RBFOX3: variants seen among roughly 807,000 people sequenced by gnomAD.
RBFOX3 encodes RNA binding protein fox-1 homolog 3.
Under a neutral mutation model 48.7 loss-of-function variants are expected in RBFOX3, and 17 were observed. The ratio of observed to expected loss-of-function variants is 0.35; its 90% CI spans 0.24 to 0.52. The LOEUF (loss-of-function observed/expected upper bound fraction) is 0.52. Ranked by LOEUF, RBFOX3 falls within the 20% of genes least tolerant of loss-of-function variation. The probability of loss-of-function intolerance (pLI) is 0.94; values close to 1 mark genes in which losing one functional copy is unlikely to be tolerated. For missense variants in RBFOX3, 382 were observed against 497.5 expected (o/e 0.77, Z 2.21); for synonymous variants, 212 against 209.5 (o/e 1.01, Z -0.10).
rs1482235077 is a variant in RBFOX3 at position 79,390,192 on chromosome 17, C to T, written c.-174-82368G>A. Among the ~76,000 whole-genome samples, 1 of 152,260 alleles carries T rather than the reference C, an allele frequency of 6.6e-6. No homozygotes were observed. The highest frequency in any genetic ancestry group is 1.9e-4 in the East Asian group (1 of 5,194). On this transcript the variant is annotated intron_variant, in intron 2 of 14. Coordinates refer to ENST00000693108, the MANE Select transcript of RBFOX3 (RefSeq NM_001350451.2). This position sits in a 1 kb window ranked among gnomAD's most constrained non-coding sequence, Gnocchi z 4.2. ...TCCACAGAGTTCTGAGGTGTCCAAC[C>T]TCCGGGACGCTGCACTGACTTTCAA...
chr17:79,474,115 A>G (rs1275381717), intron 2 of RBFOX3, among the ~76,000 whole-genome samples: 1 of 148,126 alleles, frequency 6.8e-6, no homozygotes, highest in Non-Finnish European at 1.5e-5. Flanking sequence ...GCACGTGTCA[A>G]TGCAGAAAAA....
At chr17:79,397,715 T>C (rs556721510) in intron 2 of RBFOX3, among the ~76,000 whole-genome samples, 1 of 152,054 alleles carries the variant, frequency 6.6e-6, no homozygotes, top group African/African-American at 2.4e-5. Flanking sequence ...ACCAGCTGCA[T>C]CACAGGAGTC....
chr17:79,384,157 G>A (rs1203960101), intron 2 of RBFOX3, among the ~76,000 whole-genome samples: 2 of 152,224 alleles, frequency 1.3e-5, no homozygotes, highest in Non-Finnish European at 2.9e-5. Flanking sequence ...CCAGGCAGGG[G>A]AGCTGCACTT....
intron 5 of RBFOX3, among the ~76,000 whole-genome samples, chr17:79,107,487 G>A (rs972587920): frequency 2.0e-4 from 31 of 152,252 alleles, no homozygotes; most frequent in African/African-American, 7.2e-4. Context: ...GCTGTGAGAA[G>A]GCAGGGGTGT....
At chr17:79,128,029 T>C (rs1198062124) in intron 4 of RBFOX3, among the ~76,000 whole-genome samples, 3 of 152,200 alleles carry the variant, frequency 2.0e-5, no homozygotes, top group Non-Finnish European at 4.4e-5. Context: ...ATACACACCA[T>C]GCGACCGCTC....
intron 4 of RBFOX3, among the ~76,000 whole-genome samples, chr17:79,160,143 A>G (rs77688980): frequency 6.6e-6 from 1 of 152,150 alleles, no homozygotes; most frequent in Non-Finnish European, 1.5e-5. Context: ...CTGTGAGTAG[A>G]TGAAGCTGGG....
intron 4 of RBFOX3, among the ~76,000 whole-genome samples, chr17:79,133,333 C>G (rs1219432804): frequency 6.6e-6 from 1 of 152,192 alleles, no homozygotes; most frequent in Non-Finnish European, 1.5e-5. Context: ...CACTGCAGCT[C>G]TCATGCAGCT....
chr17:79,191,879 T>C (rs1475189831), intron 4 of RBFOX3, among the ~76,000 whole-genome samples: 2 of 152,184 alleles, frequency 1.3e-5, no homozygotes, highest in Non-Finnish European at 2.9e-5. Flanking sequence ...GGGCAGCCTC[T>C]TCCCTCCCGG....
chr17:79,203,829 C>T (rs540688386), intron 4 of RBFOX3, among the ~76,000 whole-genome samples: 1 of 152,222 alleles, frequency 6.6e-6, no homozygotes, highest in East Asian at 1.9e-4. Flanking sequence ...CAATTGTATA[C>T]CAATTGTACC....
intron 4 of RBFOX3, among the ~76,000 whole-genome samples, chr17:79,159,306 G>A (rs766967440): frequency 2.6e-5 from 4 of 152,148 alleles, no homozygotes; most frequent in Non-Finnish European, 4.4e-5. Context: ...GAGCTGGCCC[G>A]GGCGGTTCCT....
intron 1 of RBFOX3, among the ~76,000 whole-genome samples, chr17:79,485,988 C>T (rs2079531064): frequency 1.3e-5 from 2 of 152,396 alleles, no homozygotes; most frequent in South Asian, 2.1e-4. Flanking sequence ...GCGCAGAACA[C>T]GGGCCTATGG....
At position 79,451,141 on chromosome 17, in the gene RBFOX3, A is replaced by G. The variant is rs199594119; in HGVS notation, c.-175+31313T>C. ...CCTTGCTTCACTGGGACAATTTGCT[A>G]TCGAAAGGCACAATTATCAGGGGAC... On this transcript the variant is annotated intron_variant, in intron 2 of 14. Transcript: ENST00000693108. 2.0e-5 allele frequency among the ~76,000 whole-genome samples: 3 copies of G among 152,294 alleles called. No homozygotes were observed. In the East Asian group the frequency reaches 5.8e-4, roughly 29 times the overall value.
At chr17:79,104,710 G>A (rs967737506) in intron 6 of RBFOX3, among the ~76,000 whole-genome samples, 1 of 152,192 alleles carries the variant, frequency 6.6e-6, no homozygotes, top group Non-Finnish European at 1.5e-5. Context: ...AAAGTGCTGG[G>A]GTCAGGAAAT....
At chr17:79,425,838 G>A (rs2067258845) in intron 2 of RBFOX3, among the ~76,000 whole-genome samples, 1 of 152,130 alleles carries the variant, frequency 6.6e-6, no homozygotes, top group African/African-American at 2.4e-5. Flanking sequence ...AGGATGGGGG[G>A]AGGAGAGGAC....
chr17:79,648,022 A>G, the RBFOX3 span, among the ~76,000 whole-genome samples: 20 of 151,330 alleles, frequency 1.3e-4, no homozygotes, highest in African/African-American at 4.4e-4. Context: ...TAGGAGACAC[A>G]GAGCCTCCTG....
chr17:79,580,151 C>G (rs1451805413), intron 1 of RBFOX3, among the ~76,000 whole-genome samples: 2 of 151,928 alleles, frequency 1.3e-5, no homozygotes, highest in Non-Finnish European at 2.9e-5. Flanking sequence ...CTTCTGTGCT[C>G]CGTCCTCCCA....
At chr17:79,475,895 C>T (rs1437009774) in intron 2 of RBFOX3, among the ~76,000 whole-genome samples, 1 of 152,218 alleles carries the variant, frequency 6.6e-6, no homozygotes, top group Non-Finnish European at 1.5e-5. Context: ...CCGCTGCCCT[C>T]CTGATTTTGG....
At chr17:79,125,946 A>C (rs1264258473) in intron 4 of RBFOX3, among the ~76,000 whole-genome samples, 1 of 152,214 alleles carries the variant, frequency 6.6e-6, no homozygotes, top group Non-Finnish European at 1.5e-5. Context: ...CCAAGAGGTG[A>C]GTCCACCCAC....
chr17:79,566,638 C>T (rs917336516), intron 1 of RBFOX3, among the ~76,000 whole-genome samples: 1 of 152,260 alleles, frequency 6.6e-6, no homozygotes, highest in Non-Finnish European at 1.5e-5. Context: ...GGGTCCCCAA[C>T]AACCCAGGCC....
Sources: allele counts gnomAD v4.1 joint callset (sites outside exome capture counted in the v4.1 genomes callset), GRCh38; gene constraint gnomAD v4.1.1; non-coding constraint Gnocchi (gnomAD v3.1); transcripts MANE v1.5; gene names NCBI Gene and HGNC (gene_info 2026-07-23, HGNC 2026-07-21).